RELL1: variants seen among roughly 807,000 people sequenced by gnomAD.
RELL1 encodes RELT-like protein 1.
A neutral mutation model predicts 23.0 loss-of-function variants in RELL1; 10 were observed. The observed-to-expected ratio is 0.43, with a 90% CI of 0.27 to 0.74. The LOEUF (loss-of-function observed/expected upper bound fraction) is 0.74, where lower values mean the gene tolerates loss of function less well. Ranked by LOEUF, RELL1 falls within the 30% of genes least tolerant of loss-of-function variation. The probability of loss-of-function intolerance (pLI) is 0.19; values close to 1 mark genes in which losing one functional copy is unlikely to be tolerated. For missense variants in RELL1, 315 were observed against 364.4 expected (o/e 0.86, Z 1.10); for synonymous variants, 146 against 146.8 (o/e 0.99, Z 0.04).
chr4:37,607,843 C>T (rs1189195498), downstream of RELL1, among the ~76,000 whole-genome samples: 1 of 152,184 alleles, frequency 6.6e-6, no homozygotes, highest in African/African-American at 2.4e-5. Flanking sequence ...CTGCCTCGGC[C>T]TCCCAAAGTG....
chr4:37,665,493 A>G (rs1036721175), intron 1 of RELL1: 4 of 352,486 alleles, frequency 1.1e-5, no homozygotes, highest in Admixed American at 7.7e-5. Context: ...TGCCAGATCC[A>G]TAAGGGGACG....
At chr4:37,607,496 GTT>G (rs887293640), downstream of RELL1, among the ~76,000 whole-genome samples, 4 of 151,350 alleles carry the variant, frequency 2.6e-5, no homozygotes, top group Non-Finnish European at 4.4e-5. Flanking sequence ...TTTCTTGTTT[GTT>G]TTTGTTTTGT....
chr4:37,640,713 A>T (rs954744554), intron 3 of RELL1, among the ~76,000 whole-genome samples: 3 of 152,072 alleles, frequency 2.0e-5, no homozygotes, highest in African/African-American at 7.2e-5. Flanking sequence ...GACAAGAAAA[A>T]AGTCTGCACA....
chr4:37,609,685 C>A (rs993829571), downstream of RELL1, among the ~76,000 whole-genome samples: 2 of 152,110 alleles, frequency 1.3e-5, no homozygotes, highest in African/African-American at 4.8e-5. Flanking sequence ...TGATTCCAAC[C>A]CTCACAGATG....
At chr4:37,644,816 C>T (rs1171938494) in intron 3 of RELL1, among the ~76,000 whole-genome samples, 2 of 152,222 alleles carry the variant, frequency 1.3e-5, no homozygotes, top group Middle Eastern at 3.4e-3. Context: ...ACTACCCCAG[C>T]TATATACTGT....
downstream of RELL1, chr4:37,590,170 G>C (rs1718525980): frequency 6.2e-7 from 1 of 1,614,200 alleles, no homozygotes; most frequent in South Asian, 1.1e-5. Context: ...AGACGACACT[G>C]ATAAATTAAA....
intron 6 of RELL1, among the ~76,000 whole-genome samples, chr4:37,616,767 A>G (rs1719589727): frequency 6.6e-6 from 1 of 152,216 alleles, no homozygotes; most frequent in African/African-American, 2.4e-5. Context: ...TCAATCACTA[A>G]TAATCTGTGC....
In RELL1 at chr4:37,660,034, G is replaced by A. The variant is rs368604615; in HGVS notation, c.89-10534C>T. Among the ~76,000 whole-genome samples, 21 of 152,070 alleles carry A rather than the reference G, an allele frequency of 1.4e-4. No homozygotes were observed. In the South Asian group the frequency reaches 2.7e-3, roughly 20 times the overall value. ...CTGATAAGTGGATAACCCACATCAA[G>A]GTTAGCTGGAAAATAGTTTTTAAGC... On this transcript the variant is annotated intron_variant, in intron 1 of 6. Coordinates refer to ENST00000454158, the MANE Select transcript of RELL1 (RefSeq NM_001085400.2).
chr4:37,589,692 C>T (rs532310230), downstream of RELL1, among the ~76,000 whole-genome samples: 240 of 152,284 alleles, frequency 1.6e-3, 1 homozygote, highest in African/African-American at 5.4e-3. Context: ...AGTGCAGGGG[C>T]GTGATCTCAG....
intron 1 of RELL1, among the ~76,000 whole-genome samples, chr4:37,660,804 G>A (rs1721305726): frequency 1.3e-5 from 2 of 152,098 alleles, no homozygotes; most frequent in Admixed American, 1.3e-4. Context: ...GGCCAAGGCG[G>A]GCAGATCACA....
intron 1 of RELL1, among the ~76,000 whole-genome samples, chr4:37,660,968 T>C (rs549914555): frequency 7.2e-5 from 11 of 151,836 alleles, no homozygotes; most frequent in Admixed American, 4.6e-4. Context: ...GAGGCGGAGC[T>C]TGCAGTGAGC....
intron 2 of RELL1, among the ~76,000 whole-genome samples, chr4:37,648,841 T>C (rs908509301): frequency 1.3e-5 from 2 of 152,248 alleles, no homozygotes; most frequent in Admixed American, 1.3e-4. Flanking sequence ...GATTCCATAA[T>C]AATAGTAAGG....
At chr4:37,644,255 C>T (rs930168853) in intron 3 of RELL1, among the ~76,000 whole-genome samples, 2 of 151,710 alleles carry the variant, frequency 1.3e-5, no homozygotes, top group Non-Finnish European at 2.9e-5. Flanking sequence ...ATATAATACG[C>T]CTCCTCCAAG....
intron 1 of RELL1, among the ~76,000 whole-genome samples, chr4:37,667,511 A>T (rs1289065549): frequency 1.8e-4 from 27 of 147,512 alleles, no homozygotes; most frequent in Non-Finnish European, 4.5e-5. Context: ...CACAGTTTCA[A>T]CATTCAGTAA....
chr4:37,656,352 G>A (rs1721117705), intron 1 of RELL1, among the ~76,000 whole-genome samples: 1 of 152,088 alleles, frequency 6.6e-6, no homozygotes, highest in Admixed American at 6.5e-5. Context: ...GGGCTGGGAG[G>A]GCAGGGGAAT....
chr4:37,665,341 C>A, intron 1 of RELL1: 1 of 453,410 alleles, frequency 2.2e-6, no homozygotes, highest in Non-Finnish European at 4.4e-6. Context: ...TACCAGCATG[C>A]TCCTGGGTTC....
intron 6 of RELL1, among the ~76,000 whole-genome samples, chr4:37,601,422 AACC>A (rs1719013292): frequency 1.3e-5 from 2 of 152,302 alleles, no homozygotes; most frequent in South Asian, 4.1e-4. Context: ...TGATCCTCAC[AACC>A]ACCCTAAAAG....
chr4:37,598,284 A>AG (rs1553870770), intron 6 of RELL1, among the ~76,000 whole-genome samples: 1,283 of 117,140 alleles, frequency 0.011, 120 homozygotes, highest in East Asian at 0.057. Flanking sequence ...AAAAAAAAAA[A>AG]GTTTATAGGA....
intron 6 of RELL1, among the ~76,000 whole-genome samples, chr4:37,598,789 AT>A (rs1476095451): frequency 6.6e-6 from 1 of 151,930 alleles, no homozygotes; most frequent in Admixed American, 6.6e-5. Context: ...GCTTCAAGCG[AT>A]TCTCCTGTCT....
Sources: allele counts gnomAD v4.1 joint callset (sites outside exome capture counted in the v4.1 genomes callset), GRCh38; gene constraint gnomAD v4.1.1; transcripts MANE v1.5; gene names NCBI Gene and HGNC (gene_info 2026-07-23, HGNC 2026-07-21).